ABHD2: variants seen among roughly 807,000 people sequenced by gnomAD.
ABHD2 encodes the protein abhydrolase domain containing 2, acylglycerol lipase.
Under a neutral mutation model 48.1 loss-of-function variants are expected in ABHD2, and 20 were observed. The ratio of observed to expected loss-of-function variants is 0.42; its 90% CI spans 0.29 to 0.60. ABHD2 has a LOEUF of 0.60. Ranked by LOEUF, ABHD2 falls within the 20% of genes least tolerant of loss-of-function variation. The pLI is 0.24. For missense variants in ABHD2, 405 were observed against 550.9 expected, an observed-to-expected ratio of 0.74 and a Z score of 2.65; for synonymous variants, 209 against 214.2, an observed-to-expected ratio of 0.98 and a Z score of 0.21.
At chr15:89,044,601 T>G in the ABHD2 span, among the ~76,000 whole-genome samples, 91 of 151,706 alleles carry the variant, frequency 6.0e-4, 3 homozygotes, top group East Asian at 0.017. Flanking sequence ...CCATTCTAAC[T>G]GGTGTGAGAT....
the ABHD2 span, among the ~76,000 whole-genome samples, chr15:89,052,732 G>GC: frequency 6.6e-6 from 1 of 152,142 alleles, no homozygotes; most frequent in South Asian, 2.1e-4. Context: ...AGGCCATCCA[G>GC]CCAATACCCT....
At position 89,161,652 on chromosome 15, in the gene ABHD2, C is replaced by T. The variant is rs144090817; in HGVS notation, c.538+6118C>T. ...CTGACCTTAGGTGATCCGCCCACCT[C>T]GGCCTCCCAAAGTGCTGGGATTACA... is the stretch of plus-strand genomic sequence containing the variant. On this transcript the variant is annotated intron_variant, in intron 5 of 10. Coordinates refer to ENST00000352732, the MANE Select transcript of ABHD2 (RefSeq NM_152924.5). 3.1e-3 allele frequency among the ~76,000 whole-genome samples: 478 copies of T among 152,298 alleles called. 1 individual carries two copies. The highest frequency in any genetic ancestry group is 0.011 in the African/African-American group (452 of 41,554).
At chr15:89,147,234 C>T (rs542318092) in intron 3 of ABHD2, among the ~76,000 whole-genome samples, 1 of 152,034 alleles carries the variant, frequency 6.6e-6, no homozygotes, top group Non-Finnish European at 1.5e-5. Context: ...ATTATATCTT[C>T]CCTTCACATC....
intron 3 of ABHD2, among the ~76,000 whole-genome samples, chr15:89,130,612 TAAC>T (rs751934328): frequency 6.6e-6 from 1 of 152,148 alleles, no homozygotes; most frequent in South Asian, 2.1e-4. Context: ...AACAGAACAA[TAAC>T]AACAAAATAA....
chr15:89,054,246 C>G, the ABHD2 span, among the ~76,000 whole-genome samples: 1 of 150,992 alleles, frequency 6.6e-6, no homozygotes, highest in Non-Finnish European at 1.5e-5. Context: ...TGCTTGAACC[C>G]AGGAGGTGGA....
chr15:89,068,610 G>A, the ABHD2 span, among the ~76,000 whole-genome samples: 1 of 152,106 alleles, frequency 6.6e-6, no homozygotes, highest in Admixed American at 6.5e-5. Context: ...AAGGGAAGGT[G>A]TCCCGAGAAA....
chr15:89,151,825 G>C lies in ABHD2; in HGVS notation c.343G>C (p.Glu115Gln). ...AGCCACTTCTACATTCGACCTCTTC[G>C]AGCCCTTGGCTGAGCACTGTGTTGG... Reference protein sequence around the residue: ...DGATSTFDLFEPLAEHCVGDD... With the variant: ...DGATSTFDLFQPLAEHCVGDD... The change falls in exon 4 of 11, where the codon GAG becomes CAG. Residue 115 changes from glutamate (E) to glutamine (Q), a missense_variant. By Grantham distance (29) the Glu-to-Gln change is conservative (BLOSUM62 2). Transcript: ENST00000352732. This position sits in a 1 kb window ranked among gnomAD's most constrained non-coding sequence, Gnocchi z 4.7. 3 of 1,614,148 alleles carry C rather than the reference G, an allele frequency of 1.9e-6. No individual in the cohort carries two copies. Among genetic ancestry groups the C allele is most frequent in the Non-Finnish European group, 2.5e-6 (3 of 1,180,020 alleles).
At chr15:89,043,036 G>A in the ABHD2 span, among the ~76,000 whole-genome samples, 1 of 151,964 alleles carries the variant, frequency 6.6e-6, no homozygotes, top group East Asian at 1.9e-4. Flanking sequence ...ACGGCTTGCC[G>A]TAATCTGCTT....
the ABHD2 span, among the ~76,000 whole-genome samples, chr15:89,068,391 C>CT: frequency 6.6e-6 from 1 of 152,180 alleles, no homozygotes; most frequent in Non-Finnish European, 1.5e-5. Flanking sequence ...TCCCTGGTGT[C>CT]TGAGACCTCA....
chr15:89,108,015 T>TAC (rs2049814063), intron 1 of ABHD2, among the ~76,000 whole-genome samples: 1 of 152,188 alleles, frequency 6.6e-6, no homozygotes, highest in East Asian at 1.9e-4. Flanking sequence ...CAATTTGTAT[T>TAC]ATGTTAAGAA....
At position 89,201,424 on chromosome 15, in the gene ABHD2, G is replaced by GA; in HGVS notation, c.*6002dup. 2.4e-6 allele frequency: 3 copies of GA among 1,273,978 alleles called. No homozygotes were observed. Among genetic ancestry groups the GA allele is most frequent in the Non-Finnish European group, 3.4e-6 (3 of 884,078 alleles). The allele number at this position is 1,273,978 out of a possible 1,614,324, so 78.9% of individuals were successfully genotyped here. A position where few individuals can be genotyped will look rare whatever the true frequency, so the allele number is the denominator to read the frequency against. On this transcript the variant is annotated 3_prime_UTR_variant, in exon 11 of 11. Coordinates refer to ENST00000352732, the MANE Select transcript of ABHD2 (RefSeq NM_152924.5). ...CATTCAATTTATCATTTTCATTGGG[G>GA]ATCTCCATTTGGAATCCATTAATTC...
At chr15:89,152,912 C>G (rs917899954) in intron 4 of ABHD2, among the ~76,000 whole-genome samples, 2 of 152,122 alleles carry the variant, frequency 1.3e-5, no homozygotes, top group Non-Finnish European at 2.9e-5. Flanking sequence ...ATGTCTTTTG[C>G]ATTCTATAGT....
In ABHD2 at chr15:89,127,724, T is replaced by TATATATATATACATATATATATATACAC. The variant is rs2050155817; in HGVS notation, c.194+11214_194+11215insCATATATATATATACACATATATATATA. 1.4e-4 allele frequency among the ~76,000 whole-genome samples: 10 copies of TATATATATATACATATATATATATACAC among 70,730 alleles called. No individual in the cohort carries two copies. The South Asian group carries it at 3.1e-3, about 22-fold the overall frequency. 46.4% of individuals were successfully genotyped at this position (70,730 alleles called of 152,430 possible). ...ATATATACATATATATATATACACA[T>TATATATATATACATATATATATATACAC]ATATATATATATATATGTATATTTT... On this transcript the variant is annotated intron_variant, in intron 3 of 10. Transcript: ENST00000352732.
chr15:89,053,088 C>T, the ABHD2 span, among the ~76,000 whole-genome samples: 37 of 152,072 alleles, frequency 2.4e-4, no homozygotes, highest in African/African-American at 8.7e-4. Flanking sequence ...CTGCCTCCAC[C>T]CCCGAGTAGC....
At position 89,200,994 on chromosome 15, in the gene ABHD2, A is replaced by G; in HGVS notation, c.*5571A>G. On this transcript the variant is annotated 3_prime_UTR_variant, in exon 11 of 11. Coordinates refer to ENST00000352732, the MANE Select transcript of ABHD2 (RefSeq NM_152924.5). ...CTACTCGGGAGGCTGAGGTGGGAGA[A>G]TTGCTTGAACCCAGGAGACGGAGGT... The G allele has an allele frequency of 1.9e-6, 1 of 538,450 alleles. No individual in the cohort carries two copies. Among genetic ancestry groups the G allele is most frequent in the East Asian group, 3.3e-5 (1 of 30,146 alleles). 33.4% of individuals were successfully genotyped at this position (538,450 alleles called of 1,614,324 possible).
At chr15:89,082,468 A>G (rs558526891), upstream of ABHD2, 7 of 152,378 alleles carry the variant, frequency 4.6e-5, no homozygotes, top group East Asian at 5.8e-4. The surrounding 1 kb of genome is among the most constrained non-coding windows in gnomAD (Gnocchi z 4.4). Flanking sequence ...TGGACAAACT[A>G]TCTTGTGTTC....
At chr15:89,154,454 A>G (rs1452307510) in intron 4 of ABHD2, among the ~76,000 whole-genome samples, 2 of 152,240 alleles carry the variant, frequency 1.3e-5, no homozygotes, top group African/African-American at 4.8e-5. Flanking sequence ...CATTCATGAT[A>G]GAAAGTTCAC....
the ABHD2 span, among the ~76,000 whole-genome samples, chr15:89,044,277 C>A: frequency 2.0e-5 from 3 of 152,182 alleles, no homozygotes; most frequent in Non-Finnish European, 2.9e-5. Context: ...TGTATATGTG[C>A]CACATTTTCT....
At chr15:89,067,279 A>T in the ABHD2 span, among the ~76,000 whole-genome samples, 2 of 152,258 alleles carry the variant, frequency 1.3e-5, no homozygotes, top group Non-Finnish European at 2.9e-5. Flanking sequence ...AAAGCAGTGT[A>T]TCAAGCACAT....
Sources: gnomAD v4.1 joint callset for allele counts (sites outside exome capture counted in the v4.1 genomes callset) on GRCh38, gnomAD v4.1.1 for gene constraint, Gnocchi (gnomAD v3.1) non-coding constraint, MANE v1.5 for transcripts, NCBI Gene and HGNC (gene_info 2026-07-23, HGNC 2026-07-21) for gene names.